Variants in HERC3 observed in about 807,000 individuals in gnomAD.
The protein encoded by HERC3 is probable E3 ubiquitin-protein ligase HERC3.
Under a neutral mutation model 129.9 loss-of-function variants are expected in HERC3, and 58 were observed. That is an observed-to-expected ratio of 0.45 (90% CI 0.36 to 0.56). The LOEUF is 0.56. HERC3 is among the 20% of genes least tolerant of loss of function. The probability of loss-of-function intolerance (pLI) is 0.00; values close to 1 mark genes in which losing one functional copy is unlikely to be tolerated. For synonymous variants in HERC3, 430 were observed against 451.0 expected (o/e 0.95, Z 0.59); for missense variants, 835 against 1,244.2 (o/e 0.67, Z 4.95).
At chr4:88,651,080 G>C (rs574684570) in intron 4 of HERC3, among the ~76,000 whole-genome samples, 1 of 152,286 alleles carries the variant, frequency 6.6e-6, no homozygotes, top group Non-Finnish European at 1.5e-5. Flanking sequence ...GAGAGGAAGA[G>C]TGGCAGTAAG....
At chr4:88,571,841 GA>G in the HERC3 span, among the ~76,000 whole-genome samples, 72 of 152,198 alleles carry the variant, frequency 4.7e-4, no homozygotes, top group African/African-American at 1.7e-3. Flanking sequence ...TCAATCAAAT[GA>G]AAAAAACATG....
chr4:88,572,204 A>G, the HERC3 span, among the ~76,000 whole-genome samples: 1 of 152,118 alleles, frequency 6.6e-6, no homozygotes, highest in Non-Finnish European at 1.5e-5. Flanking sequence ...CGGGAAGATC[A>G]CTTGAGGCCA....
chr4:88,579,219 TAAA>T, the HERC3 span, among the ~76,000 whole-genome samples: 5 of 117,074 alleles, frequency 4.3e-5, no homozygotes, highest in African/African-American at 2.2e-4. Flanking sequence ...CTGTCTCTAC[TAAA>T]AAAAAAAAAA....
upstream of HERC3, among the ~76,000 whole-genome samples, chr4:88,590,926 C>T (rs1439774578): frequency 6.8e-6 from 1 of 147,972 alleles, no homozygotes; most frequent in East Asian, 2.0e-4. Context: ...CATTCTGTTG[C>T]CCAGGCTGGA....
chr4:88,688,876 CTTGA>C, intron 23 of HERC3, among the ~76,000 whole-genome samples: 1 of 152,188 alleles, frequency 6.6e-6, no homozygotes, highest in East Asian at 1.9e-4. Context: ...AATGCAGACT[CTTGA>C]GGATTTGAGC....
At chr4:88,680,330 G>T (rs954735523) in intron 20 of HERC3, 94 bp downstream of exon 20, 30 of 855,024 alleles carry the variant, frequency 3.5e-5, no homozygotes, top group Non-Finnish European at 5.1e-5. Flanking sequence ...TTGCAAAGGG[G>T]AACATAACAA....
chr4:88,693,182 T>A (rs1023599681), intron 23 of HERC3: 3 of 983,522 alleles, frequency 3.1e-6, no homozygotes, highest in Non-Finnish European at 3.6e-6. Flanking sequence ...TTCTTTTTTA[T>A]TCCTCTTTTT....
chr4:88,647,388 G>A (rs746906145), intron 3 of HERC3, among the ~76,000 whole-genome samples: 4 of 152,156 alleles, frequency 2.6e-5, no homozygotes, highest in African/African-American at 4.8e-5. Context: ...GGCCTCAGTC[G>A]TGAATAAGGC....
chr4:88,685,996 A>G (rs1247475505), intron 21 of HERC3, among the ~76,000 whole-genome samples: 2 of 152,166 alleles, frequency 1.3e-5, no homozygotes, highest in Non-Finnish European at 2.9e-5. Flanking sequence ...TCTGAAATCA[A>G]TCTTTTAAAA....
At chr4:88,644,058 T>C (rs1371635654) in intron 3 of HERC3, among the ~76,000 whole-genome samples, 1 of 152,126 alleles carries the variant, frequency 6.6e-6, no homozygotes. Context: ...ACTAGAGAAA[T>C]GCAAATTAAA....
In HERC3 at chr4:88,652,781, A is replaced by G. The variant is rs895463797; in HGVS notation, c.464-88A>G. The G allele has an allele frequency of 8.0e-6, 11 of 1,373,348 alleles. No homozygotes were observed. In the African/African-American group the frequency reaches 1.6e-4, roughly 20 times the overall value. 85.1% of individuals were successfully genotyped at this position (1,373,348 alleles called of 1,614,324 possible). ...TTGGGTGGGTTTGGTGTTGGGGGGC[A>G]ACTGGCAAATGACCCTAATAACTAG... On this transcript the variant is annotated intron_variant, in intron 5 of 25. Coordinates refer to ENST00000402738, the MANE Select transcript of HERC3 (RefSeq NM_014606.3).
intron 16 of HERC3, among the ~76,000 whole-genome samples, chr4:88,670,584 A>G (rs1441262860): frequency 6.6e-6 from 1 of 152,168 alleles, no homozygotes; most frequent in Non-Finnish European, 1.5e-5. Context: ...TTGCTATTTA[A>G]TGAGTATAGC....
Position 88,669,945 on chromosome 4 carries a change from A to G in HERC3, c.1719A>G (p.Gly573=), listed in dbSNP as rs777278894. The G allele has an allele frequency of 6.2e-7, 1 of 1,613,780 alleles. No homozygotes were observed. Among genetic ancestry groups the G allele is most frequent in the South Asian group, 1.1e-5 (1 of 91,076 alleles). The stretch of plus-strand genomic sequence containing the variant: ...GTGCAGTCCTTTATCTACTGAGGGG[A>G]AGAAAGACATTCTTAATTCCCGTAC... The part of the protein sequence containing the change: ...YKGAVLYLLR[G]RKTFLIPVLF... Residue 573 remains glycine (G), a synonymous_variant, in exon 15 of 26, where the codon GGA becomes GGG. Transcript: ENST00000402738.
Position 88,636,069 on chromosome 4 carries a change from A to G in HERC3, c.227-13771A>G, listed in dbSNP as rs550816196. Among the ~76,000 whole-genome samples the G allele has an allele frequency of 4.3e-3, 656 of 152,330 alleles. 2 individuals are homozygous for G. Among genetic ancestry groups the G allele is most frequent in the African/African-American group, 0.014 (598 of 41,586 alleles). ...ACACAAAAATATAAAGACTAATGAC[A>G]TTATGAAGAAACGGCATCAATTACC... On this transcript the variant is annotated intron_variant, in intron 3 of 25. Coordinates refer to ENST00000402738, the MANE Select transcript of HERC3 (RefSeq NM_014606.3).
chr4:88,662,951 T>C (rs534720459), intron 11 of HERC3, among the ~76,000 whole-genome samples: 14 of 151,710 alleles, frequency 9.2e-5, no homozygotes, highest in Non-Finnish European at 1.9e-4. Flanking sequence ...TAATAATTTC[T>C]AGCATTTTCC....
In HERC3 at chr4:88,639,902, T is replaced by A. The variant is rs1727880050; in HGVS notation, c.227-9938T>A. On this transcript the variant is annotated intron_variant, in intron 3 of 25. Transcript: ENST00000402738. The stretch of plus-strand genomic sequence containing the variant: ...AAATTTACAAGAAAAAAAAAACCCC[T>A]TCATAAAGTGGGCAAAGGATATGAA... Among the ~76,000 whole-genome samples, 3 of 151,814 alleles carry A rather than the reference T, an allele frequency of 2.0e-5. 1 individual carries two copies. The South Asian group carries it at 6.2e-4, about 31-fold the overall frequency.
chr4:88,626,192 C>T (rs906646669), intron 3 of HERC3, among the ~76,000 whole-genome samples: 1 of 151,724 alleles, frequency 6.6e-6, no homozygotes, highest in Non-Finnish European at 1.5e-5. Context: ...AATTTATATT[C>T]TTTCTTTCTT....
chr4:88,686,928 T>G, intron 22 of HERC3, 126 bp downstream of exon 22: 1 of 754,446 alleles, frequency 1.3e-6, no homozygotes, highest in South Asian at 1.7e-5. Context: ...TCAAATTATT[T>G]TAGTCATAGT....
At position 88,662,516 on chromosome 4, in the gene HERC3, G is replaced by T; in HGVS notation, c.1232G>T (p.Arg411Ile). 4 of 1,613,644 alleles carry T rather than the reference G, an allele frequency of 2.5e-6. No homozygotes were observed. Among genetic ancestry groups the T allele is most frequent in the Non-Finnish European group, 3.4e-6 (4 of 1,179,754 alleles). ...AATGATGAAACCATAGCAGTTTGGA[G>T]ACAAAAACTCTCAGAACACAACAAT... ...LINDETIAVW[R>I]QKLSEHNNAN... The change falls in exon 11 of 26, where the codon AGA (arginine) becomes ATA (isoleucine). Residue 411 changes from arginine to isoleucine, a missense_variant. Coordinates refer to ENST00000402738, the MANE Select transcript of HERC3 (RefSeq NM_014606.3).
Sources: allele counts gnomAD v4.1 joint callset (sites outside exome capture counted in the v4.1 genomes callset), GRCh38; gene constraint gnomAD v4.1.1; transcripts MANE v1.5; gene names NCBI Gene and HGNC (gene_info 2026-07-23, HGNC 2026-07-21).